Variants in CHFR observed in about 807,000 individuals in gnomAD.
CHFR encodes checkpoint with forkhead and ring finger domains.
CHFR carries 57 observed loss-of-function variants against 87.6 expected under a neutral mutation model. That is an observed-to-expected ratio of 0.65 (90% CI 0.53 to 0.81). The LOEUF (loss-of-function observed/expected upper bound fraction) is 0.81. Ranked by LOEUF, CHFR falls within the 30% of genes least tolerant of loss-of-function variation. CHFR has a pLI of 0.00. For synonymous variants in CHFR, 381 were observed against 359.2 expected, an observed-to-expected ratio of 1.06 and a Z score of -0.69; for missense variants, 797 against 865.8, an observed-to-expected ratio of 0.92 and a Z score of 1.00.
chr12:132,879,195 G>A (rs1344611638), intron 2 of CHFR, among the ~76,000 whole-genome samples: 3 of 151,166 alleles, frequency 2.0e-5, no homozygotes, highest in Admixed American at 2.0e-4. Context: ...TAGTAGAGAC[G>A]GGGTTTCACC....
At chr12:132,842,009 C>G (rs1950712401) in intron 17 of CHFR, among the ~76,000 whole-genome samples, 1 of 150,430 alleles carries the variant, frequency 6.6e-6, no homozygotes, top group South Asian at 2.1e-4. Context: ...ACTCGGGAGG[C>G]TGAGGCAAAA....
intron 7 of CHFR, 79 bp from the exon 8 acceptor site, chr12:132,859,306 G>A: frequency 2.9e-6 from 4 of 1,359,208 alleles, no homozygotes; most frequent in Non-Finnish European, 4.1e-6. Context: ...CCGTCCACAG[G>A]AGAAAGGGAT....
chr12:132,855,757 A>C (rs1290892500), intron 10 of CHFR, among the ~76,000 whole-genome samples: 1 of 152,240 alleles, frequency 6.6e-6, no homozygotes, highest in Non-Finnish European at 1.5e-5. Context: ...TAGAGGCAGC[A>C]AAATCTTAAT....
chr12:132,863,411 C>CA (rs762533647), intron 6 of CHFR, among the ~76,000 whole-genome samples: 3 of 151,894 alleles, frequency 2.0e-5, no homozygotes, highest in African/African-American at 7.2e-5. Context: ...GAGGCTGAGG[C>CA]AGGAGAACTG....
intron 6 of CHFR, 74 bp from the exon 7 acceptor site, chr12:132,861,708 T>C (rs1432773485): frequency 9.8e-6 from 14 of 1,427,970 alleles, no homozygotes; most frequent in Non-Finnish European, 1.4e-5. Flanking sequence ...AAGGTGTCAC[T>C]GACTGGAGCC....
intron 7 of CHFR, among the ~76,000 whole-genome samples, chr12:132,860,816 A>C (rs950098098): frequency 6.6e-6 from 1 of 152,204 alleles, no homozygotes. Flanking sequence ...GCAATGGCAC[A>C]GTCTTGGCTC....
At chr12:132,861,064 T>C (rs1951199227) in intron 7 of CHFR, among the ~76,000 whole-genome samples, 1 of 152,128 alleles carries the variant, frequency 6.6e-6, no homozygotes, top group South Asian at 2.1e-4. Context: ...GATTTTTATT[T>C]TTAGAGATAA....
chr12:132,865,149 G>A (rs962516298), intron 6 of CHFR, among the ~76,000 whole-genome samples: 3 of 152,216 alleles, frequency 2.0e-5, no homozygotes, highest in Admixed American at 2.0e-4. Context: ...GGCCACGCTG[G>A]AGCGGCCGGA....
At chr12:132,869,386 A>G (rs1407967039) in intron 6 of CHFR, among the ~76,000 whole-genome samples, 3 of 152,130 alleles carry the variant, frequency 2.0e-5, no homozygotes, top group African/African-American at 7.2e-5. Flanking sequence ...TGGTATGCGA[A>G]TTATAGTCTC....
At chr12:132,845,717 CT>C (rs1197380299) in intron 15 of CHFR, among the ~76,000 whole-genome samples, 1 of 152,124 alleles carries the variant, frequency 6.6e-6, no homozygotes, top group Non-Finnish European at 1.5e-5. Flanking sequence ...GTGTGCCCCC[CT>C]GGAGAGGAGT....
chr12:132,883,484 G>C (rs1160800382), intron 2 of CHFR, among the ~76,000 whole-genome samples: 1 of 151,334 alleles, frequency 6.6e-6, no homozygotes, highest in Non-Finnish European at 1.5e-5. Context: ...CCAGCACTTT[G>C]GGAGGCCGAG....
chr12:132,884,205 G>C (rs554747431), intron 2 of CHFR, among the ~76,000 whole-genome samples: 3 of 152,002 alleles, frequency 2.0e-5, no homozygotes, highest in Non-Finnish European at 2.9e-5. Flanking sequence ...GATCACCTGA[G>C]GTCAGGAGTT....
Position 132,858,964 on chromosome 12 carries a change from G to A in CHFR, c.911+104C>T, listed in dbSNP as rs1289311517. On this transcript the variant is annotated intron_variant, in intron 8 of 17. Transcript: ENST00000450056. ...ACAGAGTAACCTCAGCAGATGCCAG[G>A]CCAAACAGGACCTGCAGGCTTGTCT... 7 of 1,171,162 alleles carry A rather than the reference G, an allele frequency of 6.0e-6. No homozygotes were observed. In the Admixed American group the frequency reaches 1.3e-4, roughly 22 times the overall value. 72.5% of individuals were successfully genotyped at this position (1,171,162 alleles called of 1,614,324 possible).
intron 10 of CHFR, chr12:132,854,075 G>A (rs1192585673): frequency 6.5e-6 from 1 of 152,904 alleles, no homozygotes; most frequent in African/African-American, 2.4e-5. Flanking sequence ...AGAACCTGTA[G>A]GAAAAAATAC....
At chr12:132,871,239 G>A (rs1450131132) in intron 4 of CHFR, among the ~76,000 whole-genome samples, 1 of 152,076 alleles carries the variant, frequency 6.6e-6, no homozygotes, top group African/African-American at 2.4e-5. Context: ...ATTACCTGAG[G>A]TCCCAAGTTC....
intron 12 of CHFR, among the ~76,000 whole-genome samples, chr12:132,850,769 G>A (rs146473032): frequency 1.7e-3 from 255 of 152,124 alleles, no homozygotes; most frequent in African/African-American, 5.7e-3. Context: ...CGGTGTGTGC[G>A]GCAGGAGCCA....
chr12:132,881,906 T>C (rs1385308600), intron 2 of CHFR, among the ~76,000 whole-genome samples: 3 of 144,342 alleles, frequency 2.1e-5, no homozygotes, highest in Admixed American at 7.0e-5. Flanking sequence ...CACCTACAAG[T>C]GGCCAAAAGG....
intron 15 of CHFR, among the ~76,000 whole-genome samples, chr12:132,846,177 A>T (rs974430896): frequency 2.0e-5 from 3 of 152,152 alleles, no homozygotes; most frequent in African/African-American, 7.2e-5. Context: ...GGTCTCAAGC[A>T]GCAGTAGTGG....
At chr12:132,846,410 C>G (rs2136926687) in intron 15 of CHFR, among the ~76,000 whole-genome samples, 1 of 152,016 alleles carries the variant, frequency 6.6e-6, no homozygotes. Context: ...CTACAGGCGC[C>G]CGCCACCACG....
Sources: allele counts gnomAD v4.1 joint callset (sites outside exome capture counted in the v4.1 genomes callset), GRCh38; gene constraint gnomAD v4.1.1; transcripts MANE v1.5; gene names NCBI Gene and HGNC (gene_info 2026-07-23, HGNC 2026-07-21).